The following PTPRD variants were observed in gnomAD, a reference collection of about 807,000 sequenced individuals.
PTPRD encodes the protein protein tyrosine phosphatase receptor type D.
Under a neutral mutation model 214.5 loss-of-function variants are expected in PTPRD, and 34 were observed. The observed-to-expected ratio is 0.16, with a 90% CI of 0.12 to 0.21. PTPRD has a LOEUF of 0.21. Ranked by LOEUF, PTPRD falls within the 10% of genes least tolerant of loss-of-function variation. The pLI is 1.00. For synonymous variants in PTPRD, 1,128 were observed against 845.7 expected (o/e 1.33, Z -5.79); for missense variants, 2,545 against 2,398.7 (o/e 1.06, Z -1.27).
chr9:8,406,857 T>C (rs1372778584), intron 35 of PTPRD, among the ~76,000 whole-genome samples: 1 of 152,194 alleles, frequency 6.6e-6, no homozygotes, highest in African/African-American at 2.4e-5. Context: ...CTGATGAACA[T>C]TATTGGATAC....
chr9:9,676,381 G>C (rs370972590), intron 7 of PTPRD, among the ~76,000 whole-genome samples: 3 of 150,352 alleles, frequency 2.0e-5, no homozygotes, highest in African/African-American at 7.4e-5. Flanking sequence ...GCGGTGTTTG[G>C]TTTTTTGTCC....
intron 12 of PTPRD, among the ~76,000 whole-genome samples, chr9:8,732,656 C>T (rs762161946): frequency 5.3e-5 from 8 of 152,148 alleles, no homozygotes; most frequent in Non-Finnish European, 1.2e-4. Flanking sequence ...GAATGTTGTG[C>T]TTAAAACATG....
intron 8 of PTPRD, among the ~76,000 whole-genome samples, chr9:9,412,929 G>T (rs2075899209): frequency 6.6e-6 from 1 of 151,900 alleles, no homozygotes; most frequent in African/African-American, 2.4e-5. Flanking sequence ...ATATTTCAGA[G>T]GAAAGATCAA....
At chr9:8,585,442 G>A (rs1049282118) in intron 14 of PTPRD, among the ~76,000 whole-genome samples, 8 of 152,048 alleles carry the variant, frequency 5.3e-5, no homozygotes, top group African/African-American at 1.7e-4. Flanking sequence ...TGAGATTTTC[G>A]CTATGGACTG....
chr9:9,788,570 GA>G lies in PTPRD; in HGVS notation c.-367-21720del, dbSNP rs796177432. 1.3e-3 allele frequency among the ~76,000 whole-genome samples: 168 copies of G among 133,446 alleles called. 1 individual carries two copies. The highest frequency in any genetic ancestry group is 4.2e-3 in the African/African-American group (151 of 35,938). 87.5% of individuals were successfully genotyped at this position (133,446 alleles called of 152,430 possible). A position where few individuals can be genotyped will look rare whatever the true frequency, so the allele number is the denominator to read the frequency against. The stretch of plus-strand genomic sequence containing the variant: ...CCGTCTCAAAAAAAAAAAAAAGAAA[GA>G]AAAAAAAAAGAAAACTAAAACAGCT... On this transcript the variant is annotated intron_variant, in intron 5 of 45. Coordinates refer to ENST00000381196, the MANE Select transcript of PTPRD (RefSeq NM_002839.4).
chr9:9,199,145 TA>T (rs929171224), intron 9 of PTPRD, among the ~76,000 whole-genome samples: 1 of 151,744 alleles, frequency 6.6e-6, no homozygotes, highest in South Asian at 2.1e-4. Context: ...ATCCCCTAGG[TA>T]AAAAAAAGAA....
intron 3 of PTPRD, among the ~76,000 whole-genome samples, chr9:10,139,554 A>T (rs72696913): frequency 0.051 from 7,782 of 152,166 alleles, 289 homozygotes; most frequent in Admixed American, 0.1. Flanking sequence ...GAACCAAAAT[A>T]AAAACCTGAA....
chr9:8,661,628 A>G (rs1017406017), intron 12 of PTPRD, among the ~76,000 whole-genome samples: 6 of 152,172 alleles, frequency 3.9e-5, no homozygotes, highest in African/African-American at 1.4e-4. Context: ...TGAAAGCAGA[A>G]AACAAAAAAT....
intron 4 of PTPRD, among the ~76,000 whole-genome samples, chr9:10,031,529 T>C (rs2097067049): frequency 6.6e-6 from 1 of 150,698 alleles, no homozygotes; most frequent in East Asian, 2.0e-4. Flanking sequence ...GGTTCTTCAG[T>C]TGTGAGACTC....
intron 11 of PTPRD, among the ~76,000 whole-genome samples, chr9:8,853,674 T>G (rs1406207112): frequency 6.6e-6 from 1 of 152,220 alleles, no homozygotes; most frequent in Non-Finnish European, 1.5e-5. Context: ...ATCAGATTTC[T>G]TCAGTTGATG....
chr9:9,266,929 G>T (rs941173658), intron 9 of PTPRD, among the ~76,000 whole-genome samples: 19 of 151,014 alleles, frequency 1.3e-4, no homozygotes, highest in African/African-American at 4.6e-4. Context: ...AAGTTAGAAG[G>T]AAGGAAATAA....
At chr9:8,504,717 C>T (rs924107913) in intron 22 of PTPRD, among the ~76,000 whole-genome samples, 2 of 152,104 alleles carry the variant, frequency 1.3e-5, no homozygotes, top group African/African-American at 2.4e-5. Flanking sequence ...TATGTTCTGC[C>T]GTTAAATGTG....
intron 11 of PTPRD, among the ~76,000 whole-genome samples, chr9:8,799,550 G>C (rs192337549): frequency 2.6e-5 from 4 of 152,306 alleles, no homozygotes; most frequent in Admixed American, 2.6e-4. Flanking sequence ...CAGATTCCTA[G>C]TATCTGTAAA....
intron 3 of PTPRD, among the ~76,000 whole-genome samples, chr9:10,086,225 GT>G (rs902086569): frequency 1.3e-5 from 2 of 151,812 alleles, no homozygotes; most frequent in African/African-American, 4.8e-5. Context: ...TAACAGCGCT[GT>G]AGACTTATTT....
At chr9:8,437,721 A>G (rs1424487818) in intron 34 of PTPRD, among the ~76,000 whole-genome samples, 1 of 152,304 alleles carries the variant, frequency 6.6e-6, no homozygotes, top group Middle Eastern at 3.4e-3. Context: ...GGATTCAGGG[A>G]AGTGAGCAAA....
intron 5 of PTPRD, among the ~76,000 whole-genome samples, chr9:9,874,553 A>C (rs756225684): frequency 1.1e-4 from 16 of 152,186 alleles, no homozygotes; most frequent in Non-Finnish European, 2.2e-4. Flanking sequence ...ATTTAGCAAA[A>C]TGTATTTGAA....
In PTPRD at chr9:9,279,990, A is replaced by G. The variant is rs201781172; in HGVS notation, c.-202-96627T>C. Among the ~76,000 whole-genome samples the G allele has an allele frequency of 5.3e-5, 8 of 151,440 alleles. No individual in the cohort carries two copies. In the East Asian group the frequency reaches 1.2e-3, roughly 22 times the overall value. On this transcript the variant is annotated intron_variant, in intron 9 of 45. Coordinates refer to ENST00000381196, the MANE Select transcript of PTPRD (RefSeq NM_002839.4). ...CTCAAAAATTTAATTGACTGTTTCT[A>G]TATTGATAGGTTATTGGGTTGTTTC...
In PTPRD at chr9:9,117,570, T is replaced by A. The variant is rs868066743; in HGVS notation, c.-143+65734A>T. Among the ~76,000 whole-genome samples, 4 of 152,322 alleles carry A rather than the reference T, an allele frequency of 2.6e-5. No homozygotes were observed. In the Middle Eastern group the frequency reaches 0.01, roughly 389 times the overall value. ...GCCAACTGAGGAACAAGATCTTTTA[T>A]TTTTCTCTTTATCACTTTATCTTTG... On this transcript the variant is annotated intron_variant, in intron 10 of 45. Coordinates refer to ENST00000381196, the MANE Select transcript of PTPRD (RefSeq NM_002839.4).
intron 5 of PTPRD, among the ~76,000 whole-genome samples, chr9:9,814,794 ACTT>A (rs1224636163): frequency 2.6e-5 from 3 of 116,696 alleles, no homozygotes; most frequent in African/African-American, 1.1e-4. Flanking sequence ...TACCAAAGTG[ACTT>A]TTTTTTTTTT....
Sources: gnomAD v4.1 joint callset for allele counts (sites outside exome capture counted in the v4.1 genomes callset) on GRCh38, gnomAD v4.1.1 for gene constraint, MANE v1.5 for transcripts, NCBI Gene and HGNC (gene_info 2026-07-23, HGNC 2026-07-21) for gene names.